Variants in MYLK observed in about 807,000 individuals in gnomAD.
MYLK encodes the protein myosin light chain kinase.
A neutral mutation model predicts 203.4 loss-of-function variants in MYLK; 106 were observed. The observed-to-expected ratio is 0.52, with a 90% CI of 0.45 to 0.61. MYLK has a LOEUF of 0.61. MYLK is among the 20% of genes least tolerant of loss of function. The pLI, the probability that MYLK is intolerant of heterozygous loss-of-function variation, is 0.00. For missense variants in MYLK, 2,072 were observed against 2,442.3 expected, an observed-to-expected ratio of 0.85 and a Z score of 3.20; for synonymous variants, 867 against 959.5, an observed-to-expected ratio of 0.90 and a Z score of 1.78.
chr3:123,692,660 G>A, intron 19 of MYLK, 75 bp downstream of exon 19: 2 of 1,164,186 alleles, frequency 1.7e-6, no homozygotes, highest in Non-Finnish European at 2.6e-6. Flanking sequence ...GACAGGCAAG[G>A]TATGGTAAGG....
intron 12 of MYLK, among the ~76,000 whole-genome samples, chr3:123,724,067 A>C (rs75620567): frequency 0.028 from 4,273 of 150,198 alleles, 197 homozygotes; most frequent in African/African-American, 0.099. Context: ...TTACTTTTTG[A>C]GACAGGGTCT....
intron 3 of MYLK, among the ~76,000 whole-genome samples, chr3:123,801,216 ATGTT>A (rs1462935698): frequency 1.3e-5 from 2 of 152,338 alleles, no homozygotes; most frequent in East Asian, 3.9e-4. Flanking sequence ...AAAGTAAATG[ATGTT>A]TTCTTACAAA....
chr3:123,638,729 C>T (rs973188887), intron 28 of MYLK: 3 of 984,818 alleles, frequency 3.0e-6, no homozygotes, highest in South Asian at 9.4e-5. Flanking sequence ...CCATGCTTAC[C>T]ACCGTTCCTC....
In MYLK at chr3:123,614,231, G is replaced by A. The variant is rs766761036; in HGVS notation, c.5619C>T (p.Cys1873=). The A allele has an allele frequency of 1.2e-5, 19 of 1,613,804 alleles. No individual in the cohort carries two copies. Among genetic ancestry groups the A allele is most frequent in the South Asian group, 2.2e-5 (2 of 91,072 alleles). The part of the protein sequence containing the change: ...GNCSLIISDV[C]GDDDAKYTCK... ...AGGTGTACTTGGCATCGTCATCCCC[G>A]CAAACATCACTAATAATTAAAGAGC... is the stretch of plus-strand genomic sequence containing the variant. Residue 1873 remains cysteine, a synonymous_variant, in exon 34 of 34, where the codon TGC becomes TGT. Coordinates refer to ENST00000360304, the MANE Select transcript of MYLK (RefSeq NM_053025.4).
chr3:123,701,280 T>C (rs1576629087), intron 17 of MYLK, among the ~76,000 whole-genome samples, 158 bp downstream of exon 17: 1 of 147,338 alleles, frequency 6.8e-6, no homozygotes, highest in African/African-American at 2.5e-5. Context: ...TCCCCTGCTC[T>C]CCCTCCCTCA....
chr3:123,863,565 A>T (rs2032095002), intron 2 of MYLK, among the ~76,000 whole-genome samples: 4 of 152,172 alleles, frequency 2.6e-5, no homozygotes, highest in African/African-American at 7.2e-5. Context: ...AATATTTCAA[A>T]AAGAAAGATA....
intron 13 of MYLK, among the ~76,000 whole-genome samples, chr3:123,714,619 C>T (rs562509340): frequency 2.0e-5 from 3 of 152,278 alleles, no homozygotes; most frequent in South Asian, 2.1e-4. Flanking sequence ...AAATATACCC[C>T]GGGTTTCCCC....
At position 123,618,867 on chromosome 3, in the gene MYLK, T is replaced by C. The variant is rs1018048837; in HGVS notation, c.5369-97A>G. ...CTAACTTTTAAAAAAGTTGCTATGA[T>C]TTAGCAAAGAAGGCAGCTTTGAGAA... is the stretch of plus-strand genomic sequence containing the variant. On this transcript the variant is annotated intron_variant, in intron 32 of 33. Coordinates refer to ENST00000360304, the MANE Select transcript of MYLK (RefSeq NM_053025.4). 1.9e-5 allele frequency: 29 copies of C among 1,519,582 alleles called. No individual in the cohort carries two copies. In the African/African-American group the frequency reaches 3.8e-4, roughly 20 times the overall value. 94.1% of individuals were successfully genotyped at this position (1,519,582 alleles called of 1,614,324 possible). A position where few individuals can be genotyped will look rare whatever the true frequency, so the allele number is the denominator to read the frequency against.
intron 19 of MYLK, among the ~76,000 whole-genome samples, chr3:123,689,434 C>T (rs1217972808): frequency 6.6e-6 from 1 of 152,108 alleles, no homozygotes; most frequent in Admixed American, 6.5e-5. Context: ...TAATTCACTG[C>T]CCGGGGAGGC....
At chr3:123,666,518 G>A (rs1056975937) in intron 21 of MYLK, among the ~76,000 whole-genome samples, 172 bp from the exon 22 acceptor site, 1 of 152,204 alleles carries the variant, frequency 6.6e-6, no homozygotes, top group African/African-American at 2.4e-5. Flanking sequence ...TCATGGACCT[G>A]CTAGGTTTGT....
chr3:123,666,491 C>T (rs1462277083), intron 21 of MYLK, 145 bp from the exon 22 acceptor site: 2 of 1,154,226 alleles, frequency 1.7e-6, no homozygotes, highest in East Asian at 5.1e-5. Context: ...AGTGATCCTG[C>T]TGCAGGACAT....
At chr3:123,827,660 T>C (rs1298671190) in intron 3 of MYLK, among the ~76,000 whole-genome samples, 7 of 130,342 alleles carry the variant, frequency 5.4e-5, no homozygotes, top group African/African-American at 2.0e-4. Context: ...GCTCAAGGGA[T>C]TCTTACATCT....
At chr3:123,664,066 C>G (rs749407407) in intron 23 of MYLK, 39 bp downstream of exon 23, 1 of 1,613,148 alleles carries the variant, frequency 6.2e-7, no homozygotes, top group African/African-American at 1.3e-5. Context: ...CTGCCTTCCC[C>G]TTGCCCCAAG....
At chr3:123,781,939 G>A (rs2064315657) in intron 4 of MYLK, among the ~76,000 whole-genome samples, 1 of 152,146 alleles carries the variant, frequency 6.6e-6, no homozygotes, top group South Asian at 2.1e-4. Context: ...CTTACAGACT[G>A]AATAAATAAT....
At position 123,849,583 on chromosome 3, in the gene MYLK, T is replaced by C. The variant is rs113475437; in HGVS notation, c.-126-17913A>G. Among the ~76,000 whole-genome samples the C allele has an allele frequency of 6.6e-3, 1,001 of 152,240 alleles. 9 individuals carry two copies. Among genetic ancestry groups the C allele is most frequent in the African/African-American group, 0.02 (845 of 41,544 alleles). ...TTTGAAATAATGGCTTTTCTAGTGG[T>C]GAGAAAAGCAGTAAGAAAACAGTTT... On this transcript the variant is annotated intron_variant, in intron 2 of 33. Coordinates refer to ENST00000360304, the MANE Select transcript of MYLK (RefSeq NM_053025.4).
intron 5 of MYLK, among the ~76,000 whole-genome samples, chr3:123,745,300 G>A (rs774012400): frequency 2.0e-5 from 3 of 152,102 alleles, no homozygotes; most frequent in Non-Finnish European, 2.9e-5. Context: ...GAAACCAAAA[G>A]GGCCCCCATG....
At chr3:123,646,529 ATG>A (rs970280501) in intron 27 of MYLK, among the ~76,000 whole-genome samples, 2 of 152,044 alleles carry the variant, frequency 1.3e-5, no homozygotes, top group Admixed American at 6.6e-5. Context: ...GTGTGTGTGC[ATG>A]TGTGTGTGTG....
intron 19 of MYLK, among the ~76,000 whole-genome samples, chr3:123,687,682 C>CT (rs1042572836): frequency 8.2e-5 from 12 of 145,622 alleles, no homozygotes; most frequent in Middle Eastern, 3.5e-3. Flanking sequence ...TTCCTTTCTT[C>CT]TTTTTTTTTG....
intron 3 of MYLK, among the ~76,000 whole-genome samples, chr3:123,818,019 G>C (rs1457607923): frequency 2.0e-5 from 3 of 152,138 alleles, no homozygotes; most frequent in Non-Finnish European, 2.9e-5. Flanking sequence ...ATAGCAGAGG[G>C]GTTTATTGTG....
Sources: allele counts gnomAD v4.1 joint callset (sites outside exome capture counted in the v4.1 genomes callset), GRCh38; gene constraint gnomAD v4.1.1; transcripts MANE v1.5; gene names NCBI Gene and HGNC (gene_info 2026-07-23, HGNC 2026-07-21).